MYLK: variants seen among roughly 807,000 people sequenced by gnomAD.
MYLK encodes the protein myosin light chain kinase, smooth muscle.
A neutral mutation model predicts 203.4 loss-of-function variants in MYLK; 106 were observed. The ratio of observed to expected loss-of-function variants is 0.52; its 90% CI spans 0.45 to 0.61. The LOEUF (loss-of-function observed/expected upper bound fraction) is 0.61, where lower values mean the gene tolerates loss of function less well. Ranked by LOEUF, MYLK falls within the 20% of genes least tolerant of loss-of-function variation. MYLK has a pLI of 0.00. For synonymous variants in MYLK, 867 were observed against 959.5 expected, an observed-to-expected ratio of 0.90 and a Z score of 1.78; for missense variants, 2,072 against 2,442.3, an observed-to-expected ratio of 0.85 and a Z score of 3.20.
chr3:123,725,222 G>A (rs903010552), intron 12 of MYLK, among the ~76,000 whole-genome samples: 1 of 152,184 alleles, frequency 6.6e-6, no homozygotes, highest in Non-Finnish European at 1.5e-5. Context: ...CTGACTCTCA[G>A]CAGGGGCTCT....
At chr3:123,725,250 T>G (rs2062238616) in intron 12 of MYLK, among the ~76,000 whole-genome samples, 1 of 152,196 alleles carries the variant, frequency 6.6e-6, no homozygotes, top group African/African-American at 2.4e-5. Flanking sequence ...TCCCTGGGGA[T>G]CCCCACAGTA....
At chr3:123,696,808 C>T (rs1378596393) in intron 18 of MYLK, among the ~76,000 whole-genome samples, 2 of 152,216 alleles carry the variant, frequency 1.3e-5, no homozygotes, top group Non-Finnish European at 2.9e-5. Context: ...GCTTCATGTA[C>T]AGTGTTCTTC....
chr3:123,657,259 G>A lies in MYLK; in HGVS notation c.4155C>T (p.Arg1385=). 1 of 1,614,172 alleles carries A rather than the reference G, an allele frequency of 6.2e-7. No homozygotes were observed. The highest frequency in any genetic ancestry group is 2.2e-5 in the East Asian group (1 of 44,876). ...GGTCCTGGACGTTGAAAGAGGTGCT[G>A]CGGCATGTGGCTAGTTCCTTCCACG... The part of the protein sequence containing the change: ...NKTWKELATC[R]STSFNVQDLL... Residue 1385 remains arginine, a synonymous_variant, in exon 24 of 34, where the codon CGC becomes CGT. Coordinates refer to ENST00000360304, the MANE Select transcript of MYLK (RefSeq NM_053025.4).
chr3:123,713,461 G>A (rs1426009661), intron 13 of MYLK, among the ~76,000 whole-genome samples: 1 of 152,008 alleles, frequency 6.6e-6, no homozygotes, highest in Non-Finnish European at 1.5e-5. Flanking sequence ...TCCTCCAACG[G>A]TGCCCATGGT....
chr3:123,849,660 C>T (rs1002513045), intron 2 of MYLK, among the ~76,000 whole-genome samples: 1 of 152,080 alleles, frequency 6.6e-6, no homozygotes, highest in African/African-American at 2.4e-5. Flanking sequence ...AATGATGGCT[C>T]GTGTTGGGTT....
At chr3:123,764,006 T>C (rs1203544428) in intron 4 of MYLK, among the ~76,000 whole-genome samples, 1 of 152,254 alleles carries the variant, frequency 6.6e-6, no homozygotes, top group African/African-American at 2.4e-5. Context: ...TTATTCTCTC[T>C]GGGAGATTTC....
chr3:123,800,017 T>C (rs573007809), intron 3 of MYLK: 3 of 152,352 alleles, frequency 2.0e-5, no homozygotes, highest in African/African-American at 4.8e-5. Context: ...GTTCTGACTC[T>C]GCTCGCAGAT....
intron 9 of MYLK, chr3:123,734,737 G>C (rs2062615198): frequency 6.3e-6 from 1 of 158,514 alleles, no homozygotes; most frequent in Non-Finnish European, 1.4e-5. Flanking sequence ...GGCCACACTG[G>C]CGTCCTTCTG....
At chr3:123,767,981 G>A (rs772125448) in intron 4 of MYLK, among the ~76,000 whole-genome samples, 1 of 152,162 alleles carries the variant, frequency 6.6e-6, no homozygotes, top group Non-Finnish European at 1.5e-5. Flanking sequence ...ATCACCACTT[G>A]GCTTCTGAAG....
At chr3:123,788,108 G>A (rs1576977263) in intron 4 of MYLK, among the ~76,000 whole-genome samples, 1 of 152,176 alleles carries the variant, frequency 6.6e-6, no homozygotes, top group African/African-American at 2.4e-5. Flanking sequence ...GATCCACGTG[G>A]TAGGAAGATC....
chr3:123,672,175 G>T (rs745316311), intron 20 of MYLK, among the ~76,000 whole-genome samples: 8 of 150,772 alleles, frequency 5.3e-5, no homozygotes, highest in Non-Finnish European at 1.2e-4. Context: ...TATAAGAAGA[G>T]ATTAGGAAGA....
In MYLK at chr3:123,642,815, T is replaced by G. The variant is rs1008934400; in HGVS notation, c.4620-2311A>C. Among the ~76,000 whole-genome samples, 2 of 152,218 alleles carry G rather than the reference T, an allele frequency of 1.3e-5. No individual in the cohort carries two copies. Among genetic ancestry groups the G allele is most frequent in the Non-Finnish European group, 2.9e-5 (2 of 68,036 alleles). On this transcript the variant is annotated intron_variant, in intron 27 of 33. Coordinates refer to ENST00000360304, the MANE Select transcript of MYLK (RefSeq NM_053025.4). This position sits in a 1 kb window ranked among gnomAD's most constrained non-coding sequence, Gnocchi z 4.2. ...AACACAGGTAAAGTGCTTGGAAGTG[T>G]CTGGCACACAGTCAATGCTCAATAT... is the stretch of plus-strand genomic sequence containing the variant.
chr3:123,809,337 C>T (rs1374062402), intron 3 of MYLK, among the ~76,000 whole-genome samples: 1 of 152,100 alleles, frequency 6.6e-6, no homozygotes, highest in Non-Finnish European at 1.5e-5. Context: ...CAAGCCTGGC[C>T]AACATGGTGA....
intron 20 of MYLK, among the ~76,000 whole-genome samples, chr3:123,674,286 A>G (rs820360): frequency 0.3 from 45,389 of 151,898 alleles, 7,951 homozygotes; most frequent in Non-Finnish European, 0.4. Context: ...CCTTCCCACC[A>G]TCAGCATTGT....
At chr3:123,639,286 C>T (rs1178433833) in intron 28 of MYLK, among the ~76,000 whole-genome samples, 3 of 152,244 alleles carry the variant, frequency 2.0e-5, no homozygotes, top group East Asian at 1.9e-4. Context: ...CACCTGACTG[C>T]GCTGACCACC....
At chr3:123,880,865 T>C (rs2033486656) in intron 1 of MYLK, among the ~76,000 whole-genome samples, 1 of 152,100 alleles carries the variant, frequency 6.6e-6, no homozygotes. Context: ...TCAGTAAATT[T>C]CATGGGGGCT....
chr3:123,823,853 G>A (rs911292861), intron 3 of MYLK, among the ~76,000 whole-genome samples: 2 of 152,144 alleles, frequency 1.3e-5, no homozygotes, highest in African/African-American at 4.8e-5. Context: ...CTGCTTTGCT[G>A]TTCCTCCAAC....
intron 33 of MYLK, among the ~76,000 whole-genome samples, chr3:123,615,166 C>T (rs955326442): frequency 1.3e-5 from 2 of 150,738 alleles, no homozygotes; most frequent in African/African-American, 4.9e-5. Flanking sequence ...GTGGCTCATA[C>T]CTGTAATCCC....
intron 2 of MYLK, among the ~76,000 whole-genome samples, chr3:123,875,558 T>C (rs940385341): frequency 6.6e-6 from 1 of 152,236 alleles, no homozygotes; most frequent in African/African-American, 2.4e-5. Context: ...TGACTATATA[T>C]ACATTTGTCA....
Sources: gnomAD v4.1 joint callset for allele counts (sites outside exome capture counted in the v4.1 genomes callset) on GRCh38, gnomAD v4.1.1 for gene constraint, Gnocchi (gnomAD v3.1) non-coding constraint, MANE v1.5 for transcripts, NCBI Gene and HGNC (gene_info 2026-07-23, HGNC 2026-07-21) for gene names.